Variants in CCDC3 observed in about 807,000 individuals in gnomAD.
The protein encoded by CCDC3 is coiled-coil domain-containing protein 3.
In CCDC3, 24 loss-of-function variants were observed where a neutral mutation model predicts 21.4. The observed-to-expected ratio is 1.12, with a 90% CI of 0.81 to 1.58. The LOEUF (loss-of-function observed/expected upper bound fraction) is 1.58. Among genes scored for constraint, CCDC3 ranks in the 40% most tolerant of loss-of-function variants. The probability of loss-of-function intolerance (pLI) is 0.00; values close to 1 mark genes in which losing one functional copy is unlikely to be tolerated. For missense variants in CCDC3, 425 were observed against 360.9 expected (o/e 1.18, Z -1.44); for synonymous variants, 186 against 166.0 (o/e 1.12, Z -0.93).
chr10:13,071,553 T>TG (rs1836882695), intron 4 of CCDC3, among the ~76,000 whole-genome samples: 1 of 152,194 alleles, frequency 6.6e-6, no homozygotes, highest in Admixed American at 6.5e-5. Flanking sequence ...ACAGGGCGTA[T>TG]GTGGGTAAGA....
chr10:12,946,009 G>A (rs910331311), intron 2 of CCDC3, among the ~76,000 whole-genome samples: 2 of 152,174 alleles, frequency 1.3e-5, no homozygotes, highest in African/African-American at 2.4e-5. Context: ...ATTGGTTAAG[G>A]AGCATATTTC....
At chr10:12,994,482 A>C (rs1278721176) in intron 2 of CCDC3, among the ~76,000 whole-genome samples, 1 of 152,058 alleles carries the variant, frequency 6.6e-6, no homozygotes, top group Non-Finnish European at 1.5e-5. Flanking sequence ...GGATGCCTGC[A>C]GGGTCTGTAA....
At chr10:12,942,599 A>C (rs1564292680) in intron 2 of CCDC3, among the ~76,000 whole-genome samples, 1 of 152,220 alleles carries the variant, frequency 6.6e-6, no homozygotes, top group Admixed American at 6.5e-5. Context: ...ACAGTAATGA[A>C]GCAGGCAACA....
chr10:12,956,954 A>G (rs11258080), intron 2 of CCDC3, among the ~76,000 whole-genome samples: 78,332 of 152,110 alleles, frequency 0.51, 22,776 homozygotes, highest in Non-Finnish European at 0.65. Flanking sequence ...CTTTTCACAG[A>G]GCATTTTTTG....
At chr10:12,993,648 A>G (rs1374085816) in intron 2 of CCDC3, among the ~76,000 whole-genome samples, 1 of 152,196 alleles carries the variant, frequency 6.6e-6, no homozygotes, top group African/African-American at 2.4e-5. Context: ...GCTGGTGTGG[A>G]AAGAAATCTG....
At chr10:13,075,434 C>G (rs1418880341) in intron 3 of CCDC3, among the ~76,000 whole-genome samples, 1 of 96,548 alleles carries the variant, frequency 1.0e-5, no homozygotes. Context: ...TCATCAGACA[C>G]GTTTGTTTTT....
intron 2 of CCDC3, among the ~76,000 whole-genome samples, chr10:12,983,960 A>C (rs559163246): frequency 1.1e-4 from 17 of 152,276 alleles, no homozygotes; most frequent in South Asian, 6.2e-4. Flanking sequence ...CATGCCTGTA[A>C]TCTCAGCTAC....
chr10:13,082,254 A>C (rs1326661667), intron 3 of CCDC3, among the ~76,000 whole-genome samples: 2 of 152,194 alleles, frequency 1.3e-5, no homozygotes, highest in African/African-American at 4.8e-5. Context: ...AGCCATCTCC[A>C]ATGATAGGTA....
At chr10:12,960,168 A>AACACACACAACACACACAC (rs1554756651) in intron 2 of CCDC3, among the ~76,000 whole-genome samples, 1 of 148,748 alleles carries the variant, frequency 6.7e-6, no homozygotes, top group African/African-American at 2.5e-5. Context: ...ACACACACAC[A>AACACACACAACACACACAC]ACACACACAC....
intron 3 of CCDC3, among the ~76,000 whole-genome samples, chr10:13,076,069 G>A (rs10796013): frequency 0.75 from 113,295 of 151,788 alleles, 42,584 homozygotes; most frequent in Middle Eastern, 0.83. Context: ...CTTAAAACAA[G>A]CAAACAAAAA....
chr10:13,086,837 A>G (rs1837117619), intron 3 of CCDC3, among the ~76,000 whole-genome samples: 9 of 152,208 alleles, frequency 5.9e-5, no homozygotes, highest in Admixed American at 5.9e-4. Context: ...GGGGTCAGGA[A>G]GCGGCACCTG....
chr10:12,948,728 G>GTTTTTTTTTTT (rs72323989), intron 2 of CCDC3, among the ~76,000 whole-genome samples: 4 of 91,070 alleles, frequency 4.4e-5, no homozygotes, highest in Non-Finnish European at 6.0e-5. Context: ...TTTTAAGGCA[G>GTTTTTTTTTTT]TTTTTTTTTT....
At chr10:12,927,361 C>T (rs761460410) in intron 2 of CCDC3, among the ~76,000 whole-genome samples, 2 of 152,166 alleles carry the variant, frequency 1.3e-5, no homozygotes, top group Non-Finnish European at 2.9e-5. Context: ...ACCATCATAC[C>T]ATTACCACAC....
chr10:13,042,516 A>T (rs1189193615), intron 5 of CCDC3, among the ~76,000 whole-genome samples: 2 of 152,258 alleles, frequency 1.3e-5, no homozygotes, highest in African/African-American at 4.8e-5. Context: ...TATTGTCATC[A>T]TCTCCGAATA....
At chr10:13,044,851 A>G (rs992060071) in intron 5 of CCDC3, among the ~76,000 whole-genome samples, 12 of 152,198 alleles carry the variant, frequency 7.9e-5, no homozygotes, top group African/African-American at 2.9e-4. Context: ...TTTAATAGAA[A>G]TAGTGTTGAA....
intron 5 of CCDC3, among the ~76,000 whole-genome samples, chr10:13,021,646 G>A (rs955176683): frequency 1.3e-5 from 2 of 152,130 alleles, no homozygotes; most frequent in Non-Finnish European, 1.5e-5. Flanking sequence ...TCTATTTTGT[G>A]ACTTCCAACC....
intron 2 of CCDC3, among the ~76,000 whole-genome samples, chr10:12,908,304 C>T (rs552510698): frequency 6.6e-6 from 1 of 152,300 alleles, no homozygotes; most frequent in African/African-American, 2.4e-5. Context: ...ATCAGCTGTG[C>T]ACATTGGTCC....
intron 2 of CCDC3, among the ~76,000 whole-genome samples, chr10:12,971,929 T>A (rs1835349370): frequency 6.6e-6 from 1 of 152,078 alleles, no homozygotes. Flanking sequence ...CCTCGTGATC[T>A]GACCACCTCA....
intron 2 of CCDC3, among the ~76,000 whole-genome samples, chr10:12,950,760 G>A (rs1011807723): frequency 1.3e-5 from 2 of 152,104 alleles, no homozygotes; most frequent in African/African-American, 4.8e-5. Context: ...CACAAGCTCA[G>A]ACCTGTGGGC....
Sources: gnomAD v4.1 joint callset for allele counts (sites outside exome capture counted in the v4.1 genomes callset) on GRCh38, gnomAD v4.1.1 for gene constraint, MANE v1.5 for transcripts, NCBI Gene and HGNC (gene_info 2026-07-23, HGNC 2026-07-21) for gene names.